Variants in FAM9B observed in about 807,000 individuals in gnomAD.
FAM9B encodes the protein family with sequence similarity 9 member B, also known as protein FAM9B.
In FAM9B, 18 loss-of-function variants were observed where a neutral mutation model predicts 16.6. The ratio of observed to expected loss-of-function variants is 1.09; its 90% CI spans 0.75 to 1.61. FAM9B has a LOEUF of 1.61. Ranked by LOEUF, FAM9B falls within the 40% of genes most tolerant of loss-of-function variation. The probability of loss-of-function intolerance (pLI) is 0.00; values close to 1 mark genes in which losing one functional copy is unlikely to be tolerated. For missense variants in FAM9B, 155 were observed against 136.0 expected, an observed-to-expected ratio of 1.14 and a Z score of -0.70; for synonymous variants, 43 against 42.6, an observed-to-expected ratio of 1.01 and a Z score of -0.03.
In FAM9B at chrX:9,025,542, G is replaced by A. The variant is rs143823179; in HGVS notation, c.534C>T (p.Ser178=). The A allele has an allele frequency of 1.4e-4, 166 of 1,205,810 alleles. No individual in the cohort carries two copies. In the East Asian group the frequency reaches 4.1e-3, roughly 30 times the overall value. Reference sequence around the variant, plus strand: ...AGTTATCAAGTTCACTGTCTTCATCGGAAAAAACTCTGTCACAAAGGTCTT... The same window carrying A: ...AGTTATCAAGTTCACTGTCTTCATCAGAAAAAACTCTGTCACAAAGGTCTT... ...DFEDLCDRVF[S]DEDSELDN Residue 178 remains serine, a synonymous_variant, in exon 8 of 9, where the codon TCC becomes TCT. Transcript: ENST00000327220.
chrX:9,032,546 AC>A, intron 2 of FAM9B, 85 bp from the exon 3 acceptor site: 1 of 271,401 alleles, frequency 3.7e-6, no homozygotes, highest in Non-Finnish European at 6.0e-6. Context: ...CTAGTTGTAG[AC>A]TTTTTTGGGG....
At chrX:9,033,503 G>A in intron 1 of FAM9B, 3 of 499,551 alleles carry the variant, frequency 6.0e-6, no homozygotes, top group Non-Finnish European at 7.4e-6. Flanking sequence ...GACCCCAAGT[G>A]TCCTGTCCTG....
chrX:9,027,199 A>G (rs1383757642), intron 7 of FAM9B, among the ~76,000 whole-genome samples: 2 of 112,183 alleles, frequency 1.8e-5, no homozygotes, highest in Non-Finnish European at 3.8e-5. Context: ...ACCATCTCTT[A>G]TGATTACAAA....
intron 4 of FAM9B, chrX:9,031,592 G>C (rs1489862534): frequency 9.0e-6 from 1 of 111,520 alleles, no homozygotes; most frequent in Non-Finnish European, 1.9e-5. Context: ...GACAGGAAGA[G>C]AGGAACAACA....
At position 9,025,533 on chromosome X, in the gene FAM9B, G is replaced by T. The variant is rs778285761; in HGVS notation, c.543C>A (p.Asp181Glu). 8.3e-7 allele frequency: 1 copy of T among 1,206,084 alleles called. No individual in the cohort carries two copies. Among genetic ancestry groups the T allele is most frequent in the East Asian group, 3.0e-5 (1 of 33,686 alleles). ...DLCDRVFSDEDSELDN is the reference protein window; with the variant it reads ...DLCDRVFSDEESELDN ...AACATGTCTAGTTATCAAGTTCACT[G>T]TCTTCATCGGAAAAAACTCTGTCAC... The change falls in exon 8 of 9, where the codon GAC (aspartate) becomes GAA (glutamate). Residue 181 changes from aspartate (D) to glutamate (E), a missense_variant. Physicochemically the swap from Asp to Glu is conservative, Grantham distance 45. Coordinates refer to ENST00000327220, the MANE Select transcript of FAM9B (RefSeq NM_205849.3).
intron 6 of FAM9B, among the ~76,000 whole-genome samples, chrX:9,029,031 C>T (rs747447459): frequency 2.7e-5 from 3 of 111,794 alleles, no homozygotes; most frequent in South Asian, 7.6e-4. Flanking sequence ...TCAATCTGCT[C>T]GGCTACACCC....
chrX:9,029,463 G>T, intron 5 of FAM9B, 45 bp from the exon 6 acceptor site: 1 of 937,295 alleles, frequency 1.1e-6, no homozygotes, highest in Non-Finnish European at 1.5e-6. Context: ...ATAGAGAGAT[G>T]AAAAATTAAT....
intron 5 of FAM9B, 188 bp downstream of exon 5, chrX:9,030,073 A>G: frequency 1.2e-6 from 1 of 834,029 alleles, no homozygotes; most frequent in Non-Finnish European, 1.6e-6. Flanking sequence ...CTTCTAGGTA[A>G]TATCTCTTAA....
chrX:9,033,705 A>AAACCC, intron 1 of FAM9B, 147 bp downstream of exon 1: 33 of 32,398 alleles, frequency 1.0e-3, no homozygotes, highest in Non-Finnish European at 1.2e-3. Flanking sequence ...ACCCTAGCCC[A>AAACCC]CCCTCAGGGC....
Position 9,032,327 on chromosome X carries a change from C to G in FAM9B, c.149+14G>C. On this transcript the variant is annotated intron_variant, in intron 3 of 8. Transcript: ENST00000327220. ...GACCCTATCCGACAGGCAAAAGTGA[C>G]TTAAACACTTTACCCCGTGTGTTCA... is the stretch of plus-strand genomic sequence containing the variant. The G allele has an allele frequency of 1.9e-5, 23 of 1,210,736 alleles. No homozygotes were observed. The highest frequency in any genetic ancestry group is 2.6e-5 in the Non-Finnish European group (23 of 895,261).
intron 4 of FAM9B, chrX:9,031,466 T>C (rs1230090076): frequency 1.8e-5 from 2 of 111,911 alleles, no homozygotes; most frequent in Admixed American, 1.9e-4. Context: ...GAAAATGATT[T>C]TAGAAAATTC....
In FAM9B at chrX:9,025,471, A is replaced by G. The variant is rs1474366507; in HGVS notation, c.*31+13T>C. On this transcript the variant is annotated intron_variant, in intron 8 of 8. Coordinates refer to ENST00000327220, the MANE Select transcript of FAM9B (RefSeq NM_205849.3). ...CAATCCTGAGTTTTTAATATTAAAT[A>G]TGCACTACTTACAGTTCTGACATGA... 2 of 1,004,807 alleles carry G rather than the reference A, an allele frequency of 2.0e-6. No individual in the cohort carries two copies. The highest frequency in any genetic ancestry group is 2.8e-6 in the Non-Finnish European group (2 of 724,518). 82.8% of individuals were successfully genotyped at this position (1,004,807 alleles called of 1,213,427 possible). A position where few individuals can be genotyped will look rare whatever the true frequency, so the allele number is the denominator to read the frequency against.
At chrX:9,027,810 T>G in intron 7 of FAM9B, 58 bp downstream of exon 7, 1 of 918,233 alleles carries the variant, frequency 1.1e-6, no homozygotes, top group Non-Finnish European at 1.6e-6. Context: ...AAGCAGACTG[T>G]CTTCTATTAT....
At chrX:9,028,363 A>G (rs147227809) in intron 6 of FAM9B, among the ~76,000 whole-genome samples, 82 of 111,565 alleles carry the variant, frequency 7.3e-4, no homozygotes, top group African/African-American at 2.6e-3. Flanking sequence ...CAATATGCAC[A>G]TAGATGAACC....
chrX:9,032,674 A>G, intron 2 of FAM9B: 1 of 581,514 alleles, frequency 1.7e-6, no homozygotes, highest in Non-Finnish European at 2.6e-6. Flanking sequence ...TCCAGTAAAC[A>G]ACGTACTACA....
intron 1 of FAM9B, 138 bp downstream of exon 1, chrX:9,033,696 CCCTAGCCCACCCTCAGGG>C (rs1921167159): frequency 4.7e-6 from 2 of 423,665 alleles, no homozygotes; most frequent in South Asian, 1.3e-4. Context: ...CCCCAGCCCA[CCCTAGCCCACCCTCAGGG>C]CCTCGCCCTG....
In FAM9B at chrX:9,029,348, T is replaced by A; in HGVS notation, c.352A>T (p.Lys118Ter). 1 of 1,209,295 alleles carries A rather than the reference T, an allele frequency of 8.3e-7. No homozygotes were observed. The highest frequency in any genetic ancestry group is 3.0e-5 in the East Asian group (1 of 33,815). Residue 118 changes from lysine (K) to a stop codon, truncating the protein, a stop_gained, in exon 6 of 9, where the codon AAA becomes TAA. Coordinates refer to ENST00000327220, the MANE Select transcript of FAM9B (RefSeq NM_205849.3). LOFTEE classifies it high-confidence loss of function. Reference protein sequence around the residue: ...VLEEYITDEQKEEEEEEGEEE... With the variant: ...VLEEYITDEQ ...TCTCCCTCTTCTTCTTCTTCCTCTT[T>A]CTGCTCGTCTGTGATGTATTCTTCA...
intron 2 of FAM9B, 101 bp from the exon 3 acceptor site, chrX:9,032,562 G>T: frequency 1.0e-5 from 5 of 481,913 alleles, no homozygotes; most frequent in South Asian, 3.1e-5. Context: ...TTGGGGGGGG[G>T]GGGCTCTCTG....
Position 9,024,650 on chromosome X carries a change from CA to C in FAM9B, c.*758del, listed in dbSNP as rs938265699. 5 of 111,726 alleles carry C rather than the reference CA, an allele frequency of 4.5e-5. No homozygotes were observed. The highest frequency in any genetic ancestry group is 9.4e-5 in the Non-Finnish European group (5 of 53,118). 9.2% of individuals were successfully genotyped at this position (111,726 alleles called of 1,213,427 possible). A position where few individuals can be genotyped will look rare whatever the true frequency, so the allele number is the denominator to read the frequency against. Reference sequence around the variant, plus strand: ...GCCTCTTTATCCTAATGAGTAAATACAAAAGAACGCACAGATAAGATAGCTT... The same window carrying C: ...GCCTCTTTATCCTAATGAGTAAATACAAAGAACGCACAGATAAGATAGCTT... On this transcript the variant is annotated 3_prime_UTR_variant, in exon 9 of 9. Transcript: ENST00000327220.
Sources: gnomAD v4.1 joint callset for allele counts (sites outside exome capture counted in the v4.1 genomes callset) on GRCh38, gnomAD v4.1.1 for gene constraint, MANE v1.5 for transcripts, NCBI Gene and HGNC (gene_info 2026-07-23, HGNC 2026-07-21) for gene names.